Variants in ROBO2 observed in about 807,000 individuals in gnomAD.
ROBO2 encodes roundabout homolog 2.
In ROBO2, 53 loss-of-function variants were observed where a neutral mutation model predicts 160.8. That is an observed-to-expected ratio of 0.33 (90% confidence interval 0.26 to 0.41). The LOEUF (loss-of-function observed/expected upper bound fraction) is 0.41. ROBO2 is among the 10% of genes least tolerant of loss of function. ROBO2 has a pLI of 1.00. For synonymous variants in ROBO2, 664 were observed against 611.7 expected (o/e 1.09, Z -1.26); for missense variants, 1,577 against 1,722.4 (o/e 0.92, Z 1.49).
At position 76,115,642 on chromosome 3, in the gene ROBO2, A is replaced by G. The variant is rs145687364; in HGVS notation, c.109+178040A>G. On this transcript the variant is annotated intron_variant, in intron 2 of 26. Transcript: ENST00000487694. ...GCACATGAACATTATTAATAATAGT[A>G]TATCTAGCATTGTTAGGAAATTTTT... Among the ~76,000 whole-genome samples, 1,267 of 152,310 alleles carry G rather than the reference A, an allele frequency of 8.3e-3. 22 individuals carry two copies. The highest frequency in any genetic ancestry group is 0.029 in the African/African-American group (1,225 of 41,578).
At chr3:77,467,766 C>A (rs950522999) in intron 2 of ROBO2, among the ~76,000 whole-genome samples, 13 of 150,104 alleles carry the variant, frequency 8.7e-5, no homozygotes, top group Non-Finnish European at 1.5e-4. Context: ...AAAAAAAAAG[C>A]CAGCCTGTGT....
chr3:76,522,919 G>A (rs1307321766), intron 2 of ROBO2, among the ~76,000 whole-genome samples: 1 of 150,702 alleles, frequency 6.6e-6, no homozygotes, highest in Non-Finnish European at 1.5e-5. Flanking sequence ...TGTATATACA[G>A]AGATAGATAT....
chr3:77,310,052 C>A (rs1434363740), intron 2 of ROBO2, among the ~76,000 whole-genome samples: 1 of 152,148 alleles, frequency 6.6e-6, no homozygotes, highest in Non-Finnish European at 1.5e-5. Flanking sequence ...TACGGTCTAA[C>A]ATGGCCATGC....
intron 2 of ROBO2, among the ~76,000 whole-genome samples, chr3:77,130,052 T>G (rs1426002844): frequency 6.6e-6 from 1 of 152,194 alleles, no homozygotes; most frequent in Non-Finnish European, 1.5e-5. Context: ...GCAACCACTG[T>G]GCAAGCTCTT....
Position 76,839,528 on chromosome 3 carries a change from A to G in ROBO2, c.110-258486A>G, listed in dbSNP as rs1490744790. Among the ~76,000 whole-genome samples, 3 of 152,194 alleles carry G rather than the reference A, an allele frequency of 2.0e-5. No homozygotes were observed. In the East Asian group the frequency reaches 5.8e-4, roughly 29 times the overall value. On this transcript the variant is annotated intron_variant, in intron 2 of 26. Transcript: ENST00000487694. ...CAGAGATGAATCCCATTTGGTCATG[A>G]TAAATGATCTTTTTAGTGTATTGTC...
chr3:77,433,104 C>T (rs1421236602), intron 2 of ROBO2, among the ~76,000 whole-genome samples: 1 of 151,986 alleles, frequency 6.6e-6, no homozygotes, highest in Non-Finnish European at 1.5e-5. Flanking sequence ...CTACACTGTC[C>T]CCATAACTAG....
intron 2 of ROBO2, chr3:76,434,421 G>C: frequency 6.4e-7 from 1 of 1,568,892 alleles, no homozygotes; most frequent in Non-Finnish European, 8.8e-7. Context: ...CAGGCCCTGG[G>C]CTGGGTGGCT....
At chr3:76,444,757 C>T (rs1317708376) in intron 2 of ROBO2, among the ~76,000 whole-genome samples, 1 of 152,160 alleles carries the variant, frequency 6.6e-6, no homozygotes, top group Non-Finnish European at 1.5e-5. Context: ...AAAGCCTAAC[C>T]ATATCAAGGT....
intron 2 of ROBO2, among the ~76,000 whole-genome samples, chr3:77,126,404 G>T (rs1429430578): frequency 6.6e-5 from 10 of 152,300 alleles, no homozygotes; most frequent in African/African-American, 2.4e-4. Context: ...CAGATTTACA[G>T]ATTCCAATTT....
intron 24 of ROBO2, among the ~76,000 whole-genome samples, chr3:77,643,406 A>G (rs1331203248): frequency 2.6e-5 from 4 of 152,204 alleles, no homozygotes; most frequent in African/African-American, 9.6e-5. Flanking sequence ...CAGATCCTCA[A>G]ATTAGATAAG....
chr3:76,434,213 T>C (rs1480944556), intron 2 of ROBO2: 4 of 1,070,000 alleles, frequency 3.7e-6, no homozygotes, highest in Non-Finnish European at 5.9e-6. Flanking sequence ...TGCAGAAATA[T>C]GCAGAGATGG....
intron 2 of ROBO2, among the ~76,000 whole-genome samples, chr3:76,600,824 A>G (rs1281964745): frequency 6.6e-6 from 1 of 152,132 alleles, no homozygotes; most frequent in East Asian, 1.9e-4. Context: ...CCAGTCCCCC[A>G]AAGCCTTAAC....
chr3:76,365,580 T>C (rs2075769009), intron 2 of ROBO2, among the ~76,000 whole-genome samples: 1 of 152,084 alleles, frequency 6.6e-6, no homozygotes, highest in African/African-American at 2.4e-5. Context: ...AAAGTGATGC[T>C]AATGGAAGAT....
chr3:77,101,223 G>A (rs2071876871), intron 2 of ROBO2, among the ~76,000 whole-genome samples: 1 of 152,182 alleles, frequency 6.6e-6, no homozygotes, highest in African/African-American at 2.4e-5. Context: ...GGAGGAAACA[G>A]CTTGAAACAT....
intron 2 of ROBO2, among the ~76,000 whole-genome samples, chr3:76,725,496 A>T (rs572201104): frequency 6.6e-6 from 1 of 152,166 alleles, no homozygotes; most frequent in Non-Finnish European, 1.5e-5. Context: ...GTCTCTAAAA[A>T]TTTTTTCTGG....
At chr3:76,332,981 G>A (rs936685834) in intron 2 of ROBO2, among the ~76,000 whole-genome samples, 5 of 152,252 alleles carry the variant, frequency 3.3e-5, no homozygotes, top group Admixed American at 6.5e-5. Flanking sequence ...CCTTCCTAGC[G>A]GTTTTGATTC....
chr3:75,932,160 A>G (rs1461329340), intron 1 of ROBO2, among the ~76,000 whole-genome samples: 1 of 152,088 alleles, frequency 6.6e-6, no homozygotes, highest in African/African-American at 2.4e-5. Flanking sequence ...GGTGTTTAGG[A>G]GGAAAAATCA....
chr3:76,432,011 C>A lies in ROBO2; in HGVS notation c.109+494409C>A, dbSNP rs551858187. The stretch of plus-strand genomic sequence containing the variant: ...CTGTTGCTTAGAAGCATTAGAATCC[C>A]ACCTGTAGGAAAAGGGAATGAGTTG... On this transcript the variant is annotated intron_variant, in intron 2 of 26. Transcript: ENST00000487694. Among the ~76,000 whole-genome samples the A allele has an allele frequency of 5.3e-5, 8 of 152,244 alleles. No individual in the cohort carries two copies. In the South Asian group the frequency reaches 1.0e-3, roughly 20 times the overall value.
chr3:77,612,234 G>C lies in ROBO2; in HGVS notation c.3293+4280G>C, dbSNP rs114576985. 1.7e-3 allele frequency among the ~76,000 whole-genome samples: 252 copies of C among 152,300 alleles called. 2 individuals are homozygous for C. Among genetic ancestry groups the C allele is most frequent in the African/African-American group, 5.0e-3 (206 of 41,564 alleles). The stretch of plus-strand genomic sequence containing the variant: ...TTTTTCAATGTTACTACAAGAAAAA[G>C]TTGAAATTCTGTCACTCAAATAAGA... On this transcript the variant is annotated intron_variant, in intron 21 of 25. Coordinates refer to ENST00000461745, the Ensembl canonical transcript of ROBO2.
Sources: gnomAD v4.1 joint callset for allele counts (sites outside exome capture counted in the v4.1 genomes callset) on GRCh38, gnomAD v4.1.1 for gene constraint, MANE v1.5 for transcripts, NCBI Gene and HGNC (gene_info 2026-07-23, HGNC 2026-07-21) for gene names.